The following GPHN variants were observed in gnomAD, a reference collection of about 807,000 sequenced individuals.
GPHN encodes the protein gephyrin.
Under a neutral mutation model 95.5 loss-of-function variants are expected in GPHN, and 17 were observed. The ratio of observed to expected loss-of-function variants is 0.18; its 90% confidence interval spans 0.12 to 0.27. GPHN has a LOEUF of 0.27. Among genes scored for constraint, GPHN ranks in the 10% least tolerant of loss-of-function variants. GPHN has a pLI of 1.00. For missense variants in GPHN, 660 were observed against 978.1 expected (o/e 0.67, Z 4.34); for synonymous variants, 320 against 322.5 (o/e 0.99, Z 0.08).
chr14:67,334,077 T>A, the GPHN span: 1 of 152,520 alleles, frequency 6.6e-6, no homozygotes, highest in Non-Finnish European at 1.5e-5. Context: ...TTATGACAGT[T>A]GACTTTAAGA....
intron 2 of GPHN, among the ~76,000 whole-genome samples, chr14:66,740,032 A>G (rs931618644): frequency 1.3e-5 from 2 of 152,172 alleles, no homozygotes; most frequent in Admixed American, 1.3e-4. Context: ...GAGAAATAGC[A>G]AAGTGAATAA....
At chr14:67,204,966 C>T in the GPHN span, 1 of 1,596,368 alleles carries the variant, frequency 6.3e-7, no homozygotes, top group African/African-American at 1.3e-5. Flanking sequence ...TAAGAATTGT[C>T]ACAGAAGTCA....
At chr14:67,044,903 TA>T (rs978390446) in intron 10 of GPHN, among the ~76,000 whole-genome samples, 1 of 151,992 alleles carries the variant, frequency 6.6e-6, no homozygotes, top group African/African-American at 2.4e-5. Context: ...TCTTTCTTTT[TA>T]AAATAAGCTC....
intron 9 of GPHN, among the ~76,000 whole-genome samples, chr14:67,020,190 A>G (rs979255482): frequency 3.9e-5 from 6 of 152,078 alleles, no homozygotes; most frequent in East Asian, 1.9e-4. Context: ...TACACCCTCA[A>G]TTGTTCTTCA....
chr14:66,602,474 A>G (rs1232991375), intron 1 of GPHN, among the ~76,000 whole-genome samples: 1 of 152,038 alleles, frequency 6.6e-6, no homozygotes, highest in Non-Finnish European at 1.5e-5. Context: ...ATGTGAAATT[A>G]GAAGATAACC....
At chr14:67,625,356 A>G in the GPHN span, among the ~76,000 whole-genome samples, 20 of 152,288 alleles carry the variant, frequency 1.3e-4, no homozygotes, top group African/African-American at 4.8e-4. Flanking sequence ...TAGCTAAATT[A>G]AATACATCTA....
At chr14:66,641,617 G>T (rs2064414614) in intron 1 of GPHN, among the ~76,000 whole-genome samples, 1 of 149,640 alleles carries the variant, frequency 6.7e-6, no homozygotes, top group Non-Finnish European at 1.5e-5. Flanking sequence ...GCTGTCAGTA[G>T]TACCAACCAT....
the GPHN span, among the ~76,000 whole-genome samples, chr14:67,319,057 C>CAAA: frequency 8.8e-6 from 1 of 114,022 alleles, no homozygotes; most frequent in Non-Finnish European, 2.0e-5. Flanking sequence ...GACTCCGTCT[C>CAAA]AAAAAAAAAA....
the GPHN span, chr14:67,383,455 G>C: frequency 6.2e-7 from 1 of 1,611,950 alleles, no homozygotes; most frequent in Admixed American, 1.7e-5. Flanking sequence ...GTGGGAAACA[G>C]AGTCCAATTT....
intron 4 of GPHN, among the ~76,000 whole-genome samples, chr14:66,849,868 A>T (rs1184763039): frequency 6.6e-6 from 1 of 152,010 alleles, no homozygotes; most frequent in African/African-American, 2.4e-5. Context: ...TAAACCATTC[A>T]TTTTCTCATT....
chr14:66,598,939 G>A (rs1316351742), intron 1 of GPHN, among the ~76,000 whole-genome samples: 1 of 151,960 alleles, frequency 6.6e-6, no homozygotes, highest in Non-Finnish European at 1.5e-5. Context: ...GGGAGGGAAG[G>A]CCGTAGTTTG....
intron 4 of GPHN, among the ~76,000 whole-genome samples, chr14:66,857,146 T>G (rs2062837418): frequency 6.6e-6 from 1 of 152,112 alleles, no homozygotes; most frequent in Non-Finnish European, 1.5e-5. Context: ...AATGTAATGA[T>G]ATAATTACAT....
chr14:67,327,458 G>C, the GPHN span, among the ~76,000 whole-genome samples: 1 of 151,676 alleles, frequency 6.6e-6, no homozygotes, highest in Non-Finnish European at 1.5e-5. Flanking sequence ...CGGGGTGTGG[G>C]GGGAAGGTTT....
At chr14:66,795,913 A>G (rs1040252055) in intron 3 of GPHN, among the ~76,000 whole-genome samples, 2 of 152,108 alleles carry the variant, frequency 1.3e-5, no homozygotes, top group African/African-American at 4.8e-5. Flanking sequence ...TTGCTATCAC[A>G]TACTAGGACT....
intron 3 of GPHN, among the ~76,000 whole-genome samples, chr14:66,796,487 TC>T (rs2060162750): frequency 1.3e-5 from 2 of 152,082 alleles, no homozygotes; most frequent in Admixed American, 1.3e-4. Flanking sequence ...GTACAAGGGT[TC>T]CCTTTTCTTC....
the GPHN span, chr14:67,692,341 C>A: frequency 7.5e-7 from 1 of 1,325,806 alleles, no homozygotes; most frequent in Non-Finnish European, 1.1e-6. Context: ...ATATTTTATC[C>A]ACCACTTCTA....
chr14:67,178,806 A>G (rs1313294050), intron 21 of GPHN, among the ~76,000 whole-genome samples: 3 of 152,208 alleles, frequency 2.0e-5, no homozygotes, highest in African/African-American at 4.8e-5. Context: ...AAGAATTATA[A>G]TAACAGCAAA....
chr14:67,257,026 AC>A, the GPHN span, among the ~76,000 whole-genome samples: 1 of 152,058 alleles, frequency 6.6e-6, no homozygotes, highest in Non-Finnish European at 1.5e-5. Flanking sequence ...TTTTTTAAAT[AC>A]GTTTTAGGGA....
chr14:67,674,580 T>G, the GPHN span: 29 of 1,098,448 alleles, frequency 2.6e-5, no homozygotes. Flanking sequence ...CCAGTGGCCA[T>G]AACGGCGACC....
Sources: gnomAD v4.1 joint callset for allele counts (sites outside exome capture counted in the v4.1 genomes callset) on GRCh38, gnomAD v4.1.1 for gene constraint, MANE v1.5 for transcripts, NCBI Gene and HGNC (gene_info 2026-07-23, HGNC 2026-07-21) for gene names.